The following SYTL3 variants were observed in gnomAD, a reference collection of about 807,000 sequenced individuals.
SYTL3 encodes the protein synaptotagmin-like protein 3.
SYTL3 carries 88 observed loss-of-function variants against 82.1 expected under a neutral mutation model. That is an observed-to-expected ratio of 1.07 (90% CI 0.90 to 1.28). The LOEUF is 1.28. SYTL3 is among the 50% of genes most tolerant of loss of function. The probability of loss-of-function intolerance (pLI) is 0.00; values close to 1 mark genes in which losing one functional copy is unlikely to be tolerated. For missense variants in SYTL3, 831 were observed against 757.6 expected, an observed-to-expected ratio of 1.10 and a Z score of -1.14; for synonymous variants, 311 against 289.4, an observed-to-expected ratio of 1.07 and a Z score of -0.76.
intron 10 of SYTL3, 145 bp downstream of exon 10, chr6:158,718,356 G>A: frequency 9.7e-7 from 1 of 1,033,896 alleles, no homozygotes; most frequent in Non-Finnish European, 1.3e-6. Context: ...TTACCAGTCA[G>A]TGCCTCTATT....
At chr6:158,751,716 C>G (rs1160813360) in intron 12 of SYTL3, among the ~76,000 whole-genome samples, 1 of 152,196 alleles carries the variant, frequency 6.6e-6, no homozygotes, top group East Asian at 1.9e-4. Flanking sequence ...ATGTGGCTAG[C>G]ATTTGACCAT....
At chr6:158,706,869 G>A (rs1782159161) in intron 6 of SYTL3, among the ~76,000 whole-genome samples, 1 of 152,118 alleles carries the variant, frequency 6.6e-6, no homozygotes, top group Non-Finnish European at 1.5e-5. Flanking sequence ...GTTTCCAAAG[G>A]ACGAATGGAA....
intron 1 of SYTL3, among the ~76,000 whole-genome samples, chr6:158,650,776 C>CT (rs1787907057): frequency 7.8e-6 from 1 of 127,950 alleles, no homozygotes; most frequent in Non-Finnish European, 1.7e-5. Flanking sequence ...AACCCCATCT[C>CT]TAAAAAAAAA....
At chr6:158,654,136 G>A (rs567625224) in intron 2 of SYTL3, among the ~76,000 whole-genome samples, 9 of 152,294 alleles carry the variant, frequency 5.9e-5, no homozygotes, top group South Asian at 2.1e-4. Context: ...TGTCCCACAC[G>A]TCTCTCCCTG....
intron 8 of SYTL3, among the ~76,000 whole-genome samples, chr6:158,708,593 C>T (rs1782386259): frequency 6.6e-6 from 1 of 152,182 alleles, no homozygotes; most frequent in Non-Finnish European, 1.5e-5. Flanking sequence ...GGTCGCGGGA[C>T]CCTCTGTGTC....
chr6:158,694,203 TTAATG>T (rs1217780724), intron 6 of SYTL3, among the ~76,000 whole-genome samples: 4 of 152,206 alleles, frequency 2.6e-5, no homozygotes, highest in African/African-American at 7.2e-5. Context: ...GATTTTATGA[TTAATG>T]TAATAAGACC....
intron 6 of SYTL3, among the ~76,000 whole-genome samples, chr6:158,696,863 A>G (rs2128432640): frequency 6.6e-6 from 1 of 152,292 alleles, no homozygotes; most frequent in African/African-American, 2.4e-5. Context: ...GCCTAGAAAT[A>G]AAGCCATGCA....
At chr6:158,676,854 A>G (rs1778094416) in intron 5 of SYTL3, among the ~76,000 whole-genome samples, 1 of 152,176 alleles carries the variant, frequency 6.6e-6, no homozygotes, top group Admixed American at 6.5e-5. Context: ...AACCACAATG[A>G]GATACCATCT....
chr6:158,717,918 A>G (rs1783612253), intron 9 of SYTL3, among the ~76,000 whole-genome samples, 169 bp from the exon 10 acceptor site: 1 of 151,950 alleles, frequency 6.6e-6, no homozygotes, highest in South Asian at 2.1e-4. Flanking sequence ...CCTTCCCAAC[A>G]CCTCTGCACT....
At position 158,673,440 on chromosome 6, in the gene SYTL3, A is replaced by ATTTTTTTTTTTTTT. The variant is rs553781177; in HGVS notation, c.329+7831_329+7844dup. Among the ~76,000 whole-genome samples the ATTTTTTTTTTTTTT allele has an allele frequency of 2.2e-5, 3 of 134,506 alleles. 1 individual carries two copies. The highest frequency in any genetic ancestry group is 5.5e-5 in the African/African-American group (2 of 36,626). 88.2% of individuals were successfully genotyped at this position (134,506 alleles called of 152,430 possible). A position where few individuals can be genotyped will look rare whatever the true frequency, so the allele number is the denominator to read the frequency against. ...CTTACACAGCTTCTTTGGGAATAGC[A>ATTTTTTTTTTTTTT]TTTTTTTTTTTTTTTTTGAGACGGA... is the stretch of plus-strand genomic sequence containing the variant. On this transcript the variant is annotated intron_variant, in intron 5 of 17. Coordinates refer to ENST00000611299, the MANE Select transcript of SYTL3 (RefSeq NM_001242394.2).
chr6:158,696,439 G>C (rs186561062), intron 6 of SYTL3, among the ~76,000 whole-genome samples: 3 of 150,876 alleles, frequency 2.0e-5, no homozygotes, highest in Non-Finnish European at 4.4e-5. Context: ...TCCTGACCTC[G>C]TGATCTGCCT....
chr6:158,720,406 CAAA>C (rs10640552), intron 10 of SYTL3, among the ~76,000 whole-genome samples: 9 of 88,164 alleles, frequency 1.0e-4, no homozygotes, highest in African/African-American at 1.4e-4. Flanking sequence ...AACTTTGTCT[CAAA>C]AAAAAAAAAA....
chr6:158,762,127 C>G lies in SYTL3; in HGVS notation c.1466C>G (p.Ala489Gly), dbSNP rs538904534. Residue 489 changes from alanine (A) to glycine (G), a missense_variant, in exon 16 of 18, where the codon GCC (alanine) becomes GGC (glycine). Transcript: ENST00000611299. Reference protein sequence around the residue: ...HGQLCLVVLGAKNLPVRPDGT... With the variant: ...HGQLCLVVLGGKNLPVRPDGT... The stretch of plus-strand genomic sequence containing the variant: ...CAACTTTGTTTGGTAGTGCTAGGAG[C>G]CAAGAATTTACCTGTGCGGCCAGAT... 6.2e-7 allele frequency: 1 copy of G among 1,613,900 alleles called. No homozygotes were observed. The highest frequency in any genetic ancestry group is 2.2e-5 in the East Asian group (1 of 44,874).
At chr6:158,726,095 G>A in intron 11 of SYTL3, 1 of 437,102 alleles carries the variant, frequency 2.3e-6, no homozygotes, top group South Asian at 2.0e-5. Flanking sequence ...TTTCCAGAAT[G>A]TAATAGTTAT....
At chr6:158,676,468 G>A (rs58775951) in intron 5 of SYTL3, among the ~76,000 whole-genome samples, 4,749 of 151,862 alleles carry the variant, frequency 0.031, 264 homozygotes, top group African/African-American at 0.11. Flanking sequence ...GAAAACCTAG[G>A]CAATACCATT....
At chr6:158,742,733 A>G (rs1787098354) in intron 11 of SYTL3, among the ~76,000 whole-genome samples, 1 of 151,918 alleles carries the variant, frequency 6.6e-6, no homozygotes, top group South Asian at 2.1e-4. Flanking sequence ...GGTGTGTGCT[A>G]CCATGCCCGG....
At chr6:158,759,572 G>A (rs139739102) in intron 14 of SYTL3, among the ~76,000 whole-genome samples, 2 of 152,280 alleles carry the variant, frequency 1.3e-5, no homozygotes, top group African/African-American at 4.8e-5. Flanking sequence ...TTGCTCTGTC[G>A]TCCAGGCTGG....
At chr6:158,725,822 T>A in intron 11 of SYTL3, 185 bp downstream of exon 11, 1 of 829,892 alleles carries the variant, frequency 1.2e-6, no homozygotes, top group Non-Finnish European at 2.0e-6. Flanking sequence ...AAAGTTGCGT[T>A]ATCCTCAGGC....
At chr6:158,745,700 C>T in intron 12 of SYTL3, 42 bp downstream of exon 12, 1 of 1,396,634 alleles carries the variant, frequency 7.2e-7, no homozygotes, top group Non-Finnish European at 9.6e-7. Context: ...CATATTGATT[C>T]CAAAATGTAT....
Sources: gnomAD v4.1 joint callset for allele counts (sites outside exome capture counted in the v4.1 genomes callset) on GRCh38, gnomAD v4.1.1 for gene constraint, MANE v1.5 for transcripts, NCBI Gene and HGNC (gene_info 2026-07-23, HGNC 2026-07-21) for gene names.